CNTNAP2: variants seen among roughly 807,000 people sequenced by gnomAD.
CNTNAP2 encodes the protein contactin associated protein 2.
CNTNAP2 carries 98 observed loss-of-function variants against 155.2 expected under a neutral mutation model. That is an observed-to-expected ratio of 0.63 (90% CI 0.54 to 0.75). The LOEUF is 0.75. Ranked by LOEUF, CNTNAP2 falls within the 30% of genes least tolerant of loss-of-function variation. The probability of loss-of-function intolerance (pLI) is 0.00; values close to 1 mark genes in which losing one functional copy is unlikely to be tolerated. For missense variants in CNTNAP2, 1,727 were observed against 1,688.1 expected, an observed-to-expected ratio of 1.02 and a Z score of -0.40; for synonymous variants, 651 against 631.2, an observed-to-expected ratio of 1.03 and a Z score of -0.47.
chr7:146,712,616 CA>C (rs970196957), intron 1 of CNTNAP2, among the ~76,000 whole-genome samples: 2 of 150,202 alleles, frequency 1.3e-5, no homozygotes, highest in Non-Finnish European at 3.0e-5. Context: ...TCTTTTCTTT[CA>C]AAAAAACTAA....
At chr7:146,472,638 T>TA (rs529581779) in intron 1 of CNTNAP2, among the ~76,000 whole-genome samples, 1 of 152,212 alleles carries the variant, frequency 6.6e-6, no homozygotes, top group Non-Finnish European at 1.5e-5. Context: ...ATCCAAGCTT[T>TA]AAATCAATAT....
chr7:146,966,800 C>T (rs1244930299), intron 3 of CNTNAP2, among the ~76,000 whole-genome samples: 2 of 152,196 alleles, frequency 1.3e-5, no homozygotes, highest in African/African-American at 2.4e-5. Flanking sequence ...TTCTGTACTC[C>T]TGCCTCAGCA....
intron 21 of CNTNAP2, among the ~76,000 whole-genome samples, chr7:148,273,362 T>C (rs1796816345): frequency 6.6e-6 from 1 of 152,230 alleles, no homozygotes; most frequent in South Asian, 2.1e-4. Context: ...AACACTGTTA[T>C]GATGCATGAT....
chr7:147,321,032 T>C (rs1356806542), intron 9 of CNTNAP2, among the ~76,000 whole-genome samples: 2 of 152,238 alleles, frequency 1.3e-5, no homozygotes, highest in Non-Finnish European at 2.9e-5. Flanking sequence ...CAGTTCTATG[T>C]GCAAATAACC....
intron 13 of CNTNAP2, among the ~76,000 whole-genome samples, chr7:147,755,056 C>T (rs959032874): frequency 6.6e-6 from 1 of 152,130 alleles, no homozygotes; most frequent in Non-Finnish European, 1.5e-5. Flanking sequence ...AGGTTGTAAA[C>T]TCTAAATAGA....
chr7:147,985,036 AC>A (rs1281411853), intron 15 of CNTNAP2, among the ~76,000 whole-genome samples: 1 of 151,852 alleles, frequency 6.6e-6, no homozygotes, highest in Non-Finnish European at 1.5e-5. Flanking sequence ...AATCGCTTGA[AC>A]CCAGGAGGCA....
At chr7:148,239,417 A>G (rs1796104303) in intron 20 of CNTNAP2, among the ~76,000 whole-genome samples, 1 of 152,196 alleles carries the variant, frequency 6.6e-6, no homozygotes, top group Non-Finnish European at 1.5e-5. Context: ...GAGAAGAGAG[A>G]GGGCTACATA....
chr7:146,606,088 C>T (rs867059093), intron 1 of CNTNAP2, among the ~76,000 whole-genome samples: 2 of 152,106 alleles, frequency 1.3e-5, no homozygotes, highest in Non-Finnish European at 2.9e-5. Context: ...TGATTGCAGT[C>T]ATAAATTTGC....
At chr7:147,824,811 A>G (rs1336985330) in intron 13 of CNTNAP2, among the ~76,000 whole-genome samples, 2 of 152,158 alleles carry the variant, frequency 1.3e-5, no homozygotes, top group African/African-American at 4.8e-5. Flanking sequence ...ACAATGCCTG[A>G]AAAAGAAAGC....
chr7:147,763,351 CTGTT>C (rs1797336631), intron 13 of CNTNAP2, among the ~76,000 whole-genome samples: 1 of 150,168 alleles, frequency 6.7e-6, no homozygotes, highest in Non-Finnish European at 1.5e-5. Context: ...GAGATGCAGG[CTGTT>C]TGGTGGTGAA....
Position 147,342,386 on chromosome 7 carries a change from T to A in CNTNAP2, c.1498+42096T>A, listed in dbSNP as rs1795780709. Among the ~76,000 whole-genome samples, 9 of 152,328 alleles carry A rather than the reference T, an allele frequency of 5.9e-5. No homozygotes were observed. In the South Asian group the frequency reaches 1.9e-3, roughly 32 times the overall value. Reference sequence around the variant, plus strand: ...AATGTCAGCTATAAAAACATTTGCTTATGATCTGTCATTTCCACTTAATGA... The same window carrying A: ...AATGTCAGCTATAAAAACATTTGCTAATGATCTGTCATTTCCACTTAATGA... On this transcript the variant is annotated intron_variant, in intron 9 of 23. Transcript: ENST00000361727.
At chr7:146,612,167 T>C (rs347204) in intron 1 of CNTNAP2, among the ~76,000 whole-genome samples, 100,473 of 151,996 alleles carry the variant, frequency 0.66, 34,867 homozygotes, top group African/African-American at 0.85. Flanking sequence ...CCTAGAATAA[T>C]CCCTAGTAGA....
At chr7:146,803,313 C>A (rs1802912977) in intron 2 of CNTNAP2, among the ~76,000 whole-genome samples, 1 of 152,070 alleles carries the variant, frequency 6.6e-6, no homozygotes. Flanking sequence ...ACGTTCATTG[C>A]AGTAAAATGA....
At chr7:146,294,825 A>G (rs1800486519) in intron 1 of CNTNAP2, among the ~76,000 whole-genome samples, 1 of 152,164 alleles carries the variant, frequency 6.6e-6, no homozygotes, top group African/African-American at 2.4e-5. Context: ...GATGCGATAT[A>G]GTAATTTGGT....
intron 3 of CNTNAP2, among the ~76,000 whole-genome samples, chr7:146,862,814 T>C (rs1330449305): frequency 6.6e-6 from 1 of 152,250 alleles, no homozygotes; most frequent in African/African-American, 2.4e-5. Context: ...CCTGTCTGTA[T>C]GGTTCTTTAT....
chr7:147,509,961 G>A (rs1209883383), intron 11 of CNTNAP2, among the ~76,000 whole-genome samples: 8 of 151,768 alleles, frequency 5.3e-5, no homozygotes, highest in East Asian at 1.9e-4. Context: ...CCTCTAAATC[G>A]GTGATTCTTA....
intron 3 of CNTNAP2, among the ~76,000 whole-genome samples, chr7:146,899,806 G>A (rs1264115004): frequency 6.6e-6 from 1 of 152,186 alleles, no homozygotes; most frequent in African/African-American, 2.4e-5. Flanking sequence ...ATCTTTGTCA[G>A]AACCATCCTC....
intron 14 of CNTNAP2, among the ~76,000 whole-genome samples, chr7:147,965,901 A>C (rs1222709435): frequency 6.6e-6 from 1 of 152,126 alleles, no homozygotes; most frequent in South Asian, 2.1e-4. Flanking sequence ...TCAAACGTCT[A>C]CGTCCCACAG....
intron 1 of CNTNAP2, among the ~76,000 whole-genome samples, chr7:146,771,285 T>G (rs1384401617): frequency 6.6e-6 from 1 of 152,202 alleles, no homozygotes; most frequent in Non-Finnish European, 1.5e-5. Context: ...ACTTCAGTGC[T>G]TGGCAGTTGA....
Sources: allele counts gnomAD v4.1 joint callset (sites outside exome capture counted in the v4.1 genomes callset), GRCh38; gene constraint gnomAD v4.1.1; transcripts MANE v1.5; gene names NCBI Gene and HGNC (gene_info 2026-07-23, HGNC 2026-07-21).